The following CAB39 variants were observed in gnomAD, a reference collection of about 807,000 sequenced individuals.
CAB39 encodes calcium binding protein 39, also known as calcium-binding protein 39.
A neutral mutation model predicts 40.0 loss-of-function variants in CAB39; 8 were observed. The observed-to-expected ratio is 0.20, with a 90% CI of 0.12 to 0.36. The LOEUF is 0.36. Among genes scored for constraint, CAB39 ranks in the 10% least tolerant of loss-of-function variants. CAB39 has a pLI of 1.00. For missense variants in CAB39, 270 were observed against 401.1 expected (o/e 0.67, Z 2.79); for synonymous variants, 156 against 141.6 (o/e 1.10, Z -0.72).
At chr2:230,803,844 A>G (rs1280428177) in intron 5 of CAB39, among the ~76,000 whole-genome samples, 2 of 152,228 alleles carry the variant, frequency 1.3e-5, no homozygotes, top group African/African-American at 2.4e-5. Context: ...TATAGATTCA[A>G]TGCCATTCCC....
chr2:230,790,812 A>G, intron 2 of CAB39, 60 bp from the exon 3 acceptor site: 2 of 1,416,872 alleles, frequency 1.4e-6, no homozygotes, highest in African/African-American at 1.4e-5. Context: ...TTGACGTGTT[A>G]TATGTTTGTT....
In CAB39 at chr2:230,766,199, C is replaced by G. The variant is rs1695382788; in HGVS notation, c.114+6084C>G. On this transcript the variant is annotated intron_variant, in intron 2 of 8. Transcript: ENST00000258418. ...TACTGAAAATCTGATGACTATAAAC[C>G]CAGGTGCTTGCGACCTGTTGAGCAT... Among the ~76,000 whole-genome samples the G allele has an allele frequency of 1.3e-5, 2 of 152,026 alleles. 1 individual carries two copies. The highest frequency in any genetic ancestry group is 4.2e-4 in the South Asian group (2 of 4,812).
chr2:230,791,646 C>CAG (rs1438000522), intron 3 of CAB39, among the ~76,000 whole-genome samples: 1 of 152,112 alleles, frequency 6.6e-6, no homozygotes, highest in Non-Finnish European at 1.5e-5. Flanking sequence ...TCAGCTAGAG[C>CAG]AGAGTAGCAT....
rs186581604 is a variant in CAB39 at position 230,776,487 on chromosome 2, T to C, written c.115-14385T>C. Among the ~76,000 whole-genome samples, 5 of 152,344 alleles carry C rather than the reference T, an allele frequency of 3.3e-5. No homozygotes were observed. In the East Asian group the frequency reaches 5.8e-4, roughly 18 times the overall value. ...GCTCTATGCAATTGCATCACACTTA[T>C]CTGTTCTCCAAGTCTATACATTTTA... is the stretch of plus-strand genomic sequence containing the variant. On this transcript the variant is annotated intron_variant, in intron 2 of 8. Transcript: ENST00000258418.
At chr2:230,778,424 G>GTA (rs1356607720) in intron 2 of CAB39, among the ~76,000 whole-genome samples, 1 of 152,202 alleles carries the variant, frequency 6.6e-6, no homozygotes, top group Non-Finnish European at 1.5e-5. Context: ...TTCTGAAATT[G>GTA]TACTTTTGTA....
In CAB39 at chr2:230,810,252, T is replaced by G; in HGVS notation, c.568-11T>G. On this transcript the variant is annotated splice_polypyrimidine_tract_variant and intron_variant, in intron 5 of 8. Coordinates refer to ENST00000258418, the MANE Select transcript of CAB39 (RefSeq NM_016289.4). The stretch of plus-strand genomic sequence containing the variant: ...AGAACAACTGTAAACAATTTTTTTT[T>G]CTTTTTGTAGGATTTACTTACAAGA... 1 of 1,377,120 alleles carries G rather than the reference T, an allele frequency of 7.3e-7. No individual in the cohort carries two copies. Among genetic ancestry groups the G allele is most frequent in the Admixed American group, 2.2e-5 (1 of 44,478 alleles). The allele number at this position is 1,377,120 out of a possible 1,614,324, so 85.3% of individuals were successfully genotyped here.
At chr2:230,809,135 C>T (rs1696257876) in intron 5 of CAB39, among the ~76,000 whole-genome samples, 1 of 152,126 alleles carries the variant, frequency 6.6e-6, no homozygotes, top group Admixed American at 6.5e-5. Flanking sequence ...TGTACAGAGG[C>T]CCTTTCGGGA....
chr2:230,777,869 C>T (rs920590039), intron 2 of CAB39, among the ~76,000 whole-genome samples: 2 of 152,100 alleles, frequency 1.3e-5, no homozygotes, highest in Non-Finnish European at 2.9e-5. Flanking sequence ...GGGTAAATTC[C>T]TGAAAGTATA....
In CAB39 at chr2:230,774,051, G is replaced by C. The variant is rs149954010; in HGVS notation, c.114+13936G>C. On this transcript the variant is annotated intron_variant, in intron 2 of 8. Transcript: ENST00000258418. Reference sequence around the variant, plus strand: ...GAGTCCCCCATCTTATTTTGAGATAGAATTGATTCTGGTTTCCCGTGATCC... The same window carrying C: ...GAGTCCCCCATCTTATTTTGAGATACAATTGATTCTGGTTTCCCGTGATCC... Among the ~76,000 whole-genome samples the C allele has an allele frequency of 1.6e-4, 25 of 152,282 alleles. No individual in the cohort carries two copies. In the East Asian group the frequency reaches 4.2e-3, roughly 26 times the overall value.
chr2:230,817,832 T>C lies in CAB39; in HGVS notation c.772T>C (p.Leu258=). 1.2e-6 allele frequency: 2 copies of C among 1,613,584 alleles called. No individual in the cohort carries two copies. The highest frequency in any genetic ancestry group is 1.7e-6 in the Non-Finnish European group (2 of 1,179,746). ...KYISKPENLK[L]MMNLLRDKSR... ...CATCAGTAAACCTGAGAACCTCAAA[T>C]TAATGATGAACCTGCTGCGAGACAA... The change falls in exon 8 of 9, where the codon TTA becomes CTA. Residue 258 remains leucine (L), a synonymous_variant. Transcript: ENST00000258418.
intron 1 of CAB39, among the ~76,000 whole-genome samples, chr2:230,736,033 A>G (rs974041526): frequency 1.3e-5 from 2 of 152,176 alleles, no homozygotes; most frequent in African/African-American, 4.8e-5. Flanking sequence ...TCATGTTCAC[A>G]TGGGCTGGTA....
chr2:230,800,426 T>G (rs1352457962), intron 5 of CAB39, among the ~76,000 whole-genome samples: 1 of 152,242 alleles, frequency 6.6e-6, no homozygotes, highest in South Asian at 2.1e-4. Flanking sequence ...GATATTTGTA[T>G]GTAGGTGTAC....
chr2:230,789,963 G>T lies in CAB39; in HGVS notation c.115-909G>T, dbSNP rs541924948. 9.9e-5 allele frequency among the ~76,000 whole-genome samples: 15 copies of T among 152,220 alleles called. No individual in the cohort carries two copies. The South Asian group carries it at 2.3e-3, about 23-fold the overall frequency. ...CAAAGTCATTGTTTTGGCCAGGCACGGTGGCTCACACCTGTAATCCCAGCA... is the reference window on the plus strand; with the variant it reads ...CAAAGTCATTGTTTTGGCCAGGCACTGTGGCTCACACCTGTAATCCCAGCA... On this transcript the variant is annotated intron_variant, in intron 2 of 8. Coordinates refer to ENST00000258418, the MANE Select transcript of CAB39 (RefSeq NM_016289.4).
At chr2:230,759,528 C>T (rs1166617869) in intron 1 of CAB39, among the ~76,000 whole-genome samples, 1 of 152,184 alleles carries the variant, frequency 6.6e-6, no homozygotes, top group Admixed American at 6.5e-5. Context: ...CCTTGAGCCT[C>T]ACGCTCAACC....
At chr2:230,811,170 G>A (rs1696297770) in intron 6 of CAB39, among the ~76,000 whole-genome samples, 2 of 152,160 alleles carry the variant, frequency 1.3e-5, no homozygotes, top group Non-Finnish European at 1.5e-5. Context: ...ATTTGGTTTA[G>A]ATTTTAATTT....
chr2:230,798,605 T>A (rs1559614626), intron 4 of CAB39, 124 bp from the exon 5 acceptor site: 4 of 706,624 alleles, frequency 5.7e-6, no homozygotes, highest in Non-Finnish European at 9.1e-6. Flanking sequence ...TAATCTGCGA[T>A]GGTCATTTAG....
intron 1 of CAB39, chr2:230,725,194 GCTGGCGCCACA>G (rs1559588779): frequency 6.2e-7 from 1 of 1,607,874 alleles, no homozygotes. Context: ...ACTGCTTGGC[GCTGGCGCCACA>G]AGTGTCTTTC....
In CAB39 at chr2:230,784,825, C is replaced by T. The variant is rs190357262; in HGVS notation, c.115-6047C>T. ...GTGCTACTCAATAGTTGTCTGGCCA[C>T]GAGAGCACACCGAACAAAGGAGACA... On this transcript the variant is annotated intron_variant, in intron 2 of 8. Coordinates refer to ENST00000258418, the MANE Select transcript of CAB39 (RefSeq NM_016289.4). Among the ~76,000 whole-genome samples the T allele has an allele frequency of 2.2e-3, 334 of 152,260 alleles. 2 individuals carry two copies. The highest frequency in any genetic ancestry group is 7.7e-3 in the African/African-American group (319 of 41,544).
chr2:230,765,461 C>T (rs895838848), intron 2 of CAB39, among the ~76,000 whole-genome samples: 26 of 152,050 alleles, frequency 1.7e-4, no homozygotes, highest in African/African-American at 5.3e-4. Flanking sequence ...CTCAAGGGTC[C>T]GCACTTTGAA....
Sources: gnomAD v4.1 joint callset for allele counts (sites outside exome capture counted in the v4.1 genomes callset) on GRCh38, gnomAD v4.1.1 for gene constraint, MANE v1.5 for transcripts, NCBI Gene and HGNC (gene_info 2026-07-23, HGNC 2026-07-21) for gene names.